OPCML: variants seen among roughly 807,000 people sequenced by gnomAD.
The protein encoded by OPCML is opioid binding protein/cell adhesion molecule like.
Under a neutral mutation model 37.8 loss-of-function variants are expected in OPCML, and 13 were observed. That is an observed-to-expected ratio of 0.34 (90% CI 0.22 to 0.55). The LOEUF is 0.55. OPCML is among the 20% of genes least tolerant of loss of function. OPCML has a pLI of 0.91. For synonymous variants in OPCML, 176 were observed against 168.8 expected, an observed-to-expected ratio of 1.04 and a Z score of -0.33; for missense variants, 341 against 435.6, an observed-to-expected ratio of 0.78 and a Z score of 1.93.
chr11:132,495,994 C>T (rs766717986), intron 4 of OPCML, among the ~76,000 whole-genome samples: 1 of 151,950 alleles, frequency 6.6e-6, no homozygotes. Flanking sequence ...ACGACAGGTG[C>T]TAGAAGTAGC....
chr11:133,412,752 T>C (rs1036868693), intron 1 of OPCML, among the ~76,000 whole-genome samples: 1 of 152,174 alleles, frequency 6.6e-6, no homozygotes, highest in Admixed American at 6.5e-5. Flanking sequence ...TAAATGAGAT[T>C]GGAATCAAGT....
In OPCML at chr11:133,348,802, A is replaced by T. The variant is rs555048893; in HGVS notation, c.61+183462T>A. 1.2e-4 allele frequency among the ~76,000 whole-genome samples: 19 copies of T among 152,296 alleles called. No individual in the cohort carries two copies. In the South Asian group the frequency reaches 3.9e-3, roughly 32 times the overall value. On this transcript the variant is annotated intron_variant, in intron 1 of 7. Transcript: ENST00000524381. ...AGGTGAGGTAGACCATGTGGGACAG[A>T]CTTCATCGATATTTATACCGTAATT...
intron 3 of OPCML, among the ~76,000 whole-genome samples, chr11:132,532,063 A>G (rs2096327028): frequency 6.6e-6 from 1 of 152,142 alleles, no homozygotes; most frequent in Non-Finnish European, 1.5e-5. Context: ...TGTTCTTTCC[A>G]CAGACATCGT....
intron 1 of OPCML, among the ~76,000 whole-genome samples, chr11:133,370,128 A>G (rs1002938723): frequency 5.9e-5 from 9 of 152,226 alleles, no homozygotes; most frequent in African/African-American, 2.2e-4. Flanking sequence ...CATCATGTCA[A>G]TGCTCAATAA....
At position 132,481,327 on chromosome 11, in the gene OPCML, A is replaced by G. The variant is rs572510544; in HGVS notation, c.506-43968T>C. Among the ~76,000 whole-genome samples the G allele has an allele frequency of 2.1e-3, 316 of 152,244 alleles. 1 individual carries two copies. The highest frequency in any genetic ancestry group is 7.0e-3 in the African/African-American group (291 of 41,528). ...AAGATCAAAAGAGACAAAGAAGGCC[A>G]TTACATAATGATAAAGGGATCAATT... is the stretch of plus-strand genomic sequence containing the variant. On this transcript the variant is annotated intron_variant, in intron 4 of 7. Coordinates refer to ENST00000524381, the MANE Select transcript of OPCML (RefSeq NM_001012393.5).
chr11:132,612,337 T>C (rs949135230), intron 3 of OPCML, among the ~76,000 whole-genome samples: 1 of 152,208 alleles, frequency 6.6e-6, no homozygotes, highest in Non-Finnish European at 1.5e-5. Context: ...AAGTTTGTAA[T>C]ATAAATAACT....
chr11:132,770,135 G>A (rs1026138888), intron 2 of OPCML, among the ~76,000 whole-genome samples: 2 of 152,028 alleles, frequency 1.3e-5, no homozygotes, highest in African/African-American at 2.4e-5. Flanking sequence ...ATCAAATATC[G>A]CATAATTATT....
intron 2 of OPCML, among the ~76,000 whole-genome samples, chr11:132,767,125 G>A (rs917960997): frequency 6.6e-6 from 1 of 152,214 alleles, no homozygotes; most frequent in Admixed American, 6.5e-5. Flanking sequence ...CAGGGGGTTA[G>A]TGAGTGCTTT....
intron 1 of OPCML, among the ~76,000 whole-genome samples, chr11:133,048,477 A>G (rs770941777): frequency 2.0e-5 from 3 of 152,144 alleles, no homozygotes; most frequent in Admixed American, 2.0e-4. Context: ...GCCAGAAACT[A>G]CACGCTCTAA....
intron 7 of OPCML, among the ~76,000 whole-genome samples, chr11:132,426,985 G>A (rs1160781490): frequency 1.3e-5 from 2 of 152,140 alleles, no homozygotes; most frequent in East Asian, 3.9e-4. Flanking sequence ...AGATTTTGAG[G>A]CTTAAAAATG....
intron 1 of OPCML, among the ~76,000 whole-genome samples, chr11:133,182,189 A>T (rs1164437608): frequency 6.6e-6 from 1 of 152,218 alleles, no homozygotes; most frequent in African/African-American, 2.4e-5. Flanking sequence ...TCCATGTAGC[A>T]GGAATAAAAG....
intron 1 of OPCML, chr11:133,299,218 A>G (rs1942718760): frequency 6.6e-6 from 1 of 152,194 alleles, no homozygotes; most frequent in South Asian, 2.1e-4. Context: ...CACTCCATGA[A>G]ACTTAATTAT....
chr11:132,986,720 A>T (rs1946687740), intron 1 of OPCML, among the ~76,000 whole-genome samples: 1 of 152,188 alleles, frequency 6.6e-6, no homozygotes, highest in Admixed American at 6.5e-5. Flanking sequence ...GGAAATTGGT[A>T]CTTGGTTCAG....
intron 4 of OPCML, among the ~76,000 whole-genome samples, chr11:132,516,434 T>C (rs892412657): frequency 2.0e-5 from 3 of 152,138 alleles, no homozygotes; most frequent in Non-Finnish European, 4.4e-5. Flanking sequence ...TCTGGCACGC[T>C]ACAGGATCGA....
intron 1 of OPCML, among the ~76,000 whole-genome samples, chr11:133,039,234 G>A (rs1565412359): frequency 6.6e-6 from 1 of 152,174 alleles, no homozygotes. Context: ...AAAAGGTAAG[G>A]CAACATCTGT....
rs1429338170 is a variant in OPCML, at chr11:133,167,895, T to C, written c.62-224885A>G. Among the ~76,000 whole-genome samples the C allele has an allele frequency of 2.0e-5, 3 of 152,350 alleles. No homozygotes were observed. In the East Asian group the frequency reaches 5.8e-4, roughly 29 times the overall value. ...TGTATCCTTTTCCTTAACATTCCTA[T>C]CTATCTTTCAGTTCACTCATTCATT... On this transcript the variant is annotated intron_variant, in intron 1 of 7. Coordinates refer to ENST00000524381, the MANE Select transcript of OPCML (RefSeq NM_001012393.5).
intron 1 of OPCML, among the ~76,000 whole-genome samples, chr11:133,448,523 T>A (rs1946516094): frequency 6.6e-6 from 1 of 152,170 alleles, no homozygotes; most frequent in African/African-American, 2.4e-5. Flanking sequence ...AAAGGCGCGA[T>A]CTCGACTCAC....
At chr11:132,840,851 C>T (rs190835797) in intron 2 of OPCML, among the ~76,000 whole-genome samples, 1 of 152,168 alleles carries the variant, frequency 6.6e-6, no homozygotes, top group East Asian at 1.9e-4. Context: ...GAAAAAAACC[C>T]CACACAGCAG....
chr11:132,773,076 G>A (rs561617939), intron 2 of OPCML: 2 of 152,352 alleles, frequency 1.3e-5, no homozygotes, highest in African/African-American at 4.8e-5. Context: ...GACCTAGGGA[G>A]GGGCAGAGCG....
Sources: allele counts gnomAD v4.1 joint callset (sites outside exome capture counted in the v4.1 genomes callset), GRCh38; gene constraint gnomAD v4.1.1; transcripts MANE v1.5; gene names NCBI Gene and HGNC (gene_info 2026-07-23, HGNC 2026-07-21).